Variants in LOXHD1 observed in about 807,000 individuals in gnomAD.
The protein encoded by LOXHD1 is lipoxygenase homology PLAT domains 1, also known as lipoxygenase homology domain-containing protein 1.
LOXHD1 carries 205 observed loss-of-function variants against 248.2 expected under a neutral mutation model. That is an observed-to-expected ratio of 0.83 (90% confidence interval 0.74 to 0.93). The LOEUF (loss-of-function observed/expected upper bound fraction) is 0.93, where lower values mean the gene tolerates loss of function less well. Among genes scored for constraint, LOXHD1 ranks in the 40% least tolerant of loss-of-function variants. The pLI is 0.00. For synonymous variants in LOXHD1, 1,113 were observed against 1,162.8 expected, an observed-to-expected ratio of 0.96 and a Z score of 0.87; for missense variants, 2,930 against 2,971.6, an observed-to-expected ratio of 0.99 and a Z score of 0.33.
rs181118962 is a variant in LOXHD1, at chr18:46,598,927, T to C, written c.1134+2290A>G. On this transcript the variant is annotated intron_variant, in intron 8 of 40. Transcript: ENST00000642948. The stretch of plus-strand genomic sequence containing the variant: ...GTTCAACACTGTTCTTCATGGGATT[T>C]GGCAAAATAAATAAATACAGATTTC... Among the ~76,000 whole-genome samples, 6 of 152,284 alleles carry C rather than the reference T, an allele frequency of 3.9e-5. No individual in the cohort carries two copies. In the East Asian group the frequency reaches 1.2e-3, roughly 29 times the overall value.
intron 37 of LOXHD1, among the ~76,000 whole-genome samples, chr18:46,503,896 G>C (rs1229890529): frequency 8.5e-5 from 13 of 152,086 alleles, no homozygotes; most frequent in Non-Finnish European, 2.9e-5. Flanking sequence ...AATGGTGGCT[G>C]GCAAGATGGG....
At chr18:46,561,040 C>T (rs544249190) in intron 18 of LOXHD1, among the ~76,000 whole-genome samples, 1 of 152,238 alleles carries the variant, frequency 6.6e-6, no homozygotes, top group Non-Finnish European at 1.5e-5. Flanking sequence ...TCAGTGTTAA[C>T]CGTATATAAC....
At chr18:46,608,532 A>G (rs2038456923) in intron 6 of LOXHD1, among the ~76,000 whole-genome samples, 1 of 152,222 alleles carries the variant, frequency 6.6e-6, no homozygotes, top group African/African-American at 2.4e-5. Context: ...GTGGACTTCA[A>G]GGTACCTGTT....
intron 7 of LOXHD1, among the ~76,000 whole-genome samples, chr18:46,603,175 A>C (rs1256506108): frequency 6.6e-6 from 1 of 152,116 alleles, no homozygotes; most frequent in East Asian, 1.9e-4. Context: ...GGCTCAGAGG[A>C]AGTGACTGGA....
chr18:46,565,568 C>A (rs2037623700), intron 17 of LOXHD1, among the ~76,000 whole-genome samples: 1 of 152,208 alleles, frequency 6.6e-6, no homozygotes, highest in Non-Finnish European at 1.5e-5. Context: ...TCCTCAGTAT[C>A]TGCAGGGACA....
At position 46,485,146 on chromosome 18, in the gene LOXHD1, C is replaced by T. The variant is rs373848470; in HGVS notation, c.6055G>A (p.Glu2019Lys). Reference sequence around the variant, plus strand: ...CCGTTGCCCGTTTCTATGACGATCTCGTAGGCTGTAATGGAGGAGGTGGGG... The same window carrying T: ...CCGTTGCCCGTTTCTATGACGATCTTGTAGGCTGTAATGGAGGAGGTGGGG... Reference protein sequence around the residue: ...ICDELEETTYEIVIETGNGGE... With the variant: ...ICDELEETTYKIVIETGNGGE... Residue 2019 changes from glutamate (E) to lysine (K), a missense_variant, in exon 39 of 41, where the codon GAG (glutamate) becomes AAG (lysine). By Grantham distance (56) the Glu-to-Lys change is moderately conservative (BLOSUM62 1). Transcript: ENST00000642948. 454 of 1,549,270 alleles carry T rather than the reference C, an allele frequency of 2.9e-4. No individual in the cohort carries two copies. Among genetic ancestry groups the T allele is most frequent in the Non-Finnish European group, 3.7e-4 (427 of 1,146,198 alleles).
rs184069592 is a variant in LOXHD1, at chr18:46,575,768, A to G, written c.1970+1939T>C. On this transcript the variant is annotated intron_variant, in intron 14 of 40. Coordinates refer to ENST00000642948, the MANE Select transcript of LOXHD1 (RefSeq NM_001384474.1). ...GTCATTTAAGCCACCCAGTCTGTGC[A>G]CTTTGTTACAGCCCTGGAACATGAA... 8.6e-3 allele frequency among the ~76,000 whole-genome samples: 1,303 copies of G among 152,214 alleles called. 25 individuals are homozygous for G. The highest frequency in any genetic ancestry group is 0.03 in the African/African-American group (1,254 of 41,520).
intron 38 of LOXHD1, among the ~76,000 whole-genome samples, chr18:46,486,794 T>C (rs981073115): frequency 6.6e-6 from 1 of 152,088 alleles, no homozygotes; most frequent in Admixed American, 6.5e-5. Flanking sequence ...TGGATTGAAA[T>C]GAATTCTTTC....
chr18:46,559,450 G>T lies in LOXHD1; in HGVS notation c.3214C>A (p.Gln1072Lys), dbSNP rs2037461794. The stretch of plus-strand genomic sequence containing the variant: ...GGGGCCAGAGACCCTCACCCTACCT[G>T]CCCCTGCTCAAATTTGTTGGACTTG... ...SDKSNKFEQGQTDTFTIYAID... is the reference protein window; with the variant it reads ...SDKSNKFEQGKTDTFTIYAID... The change falls in exon 20 of 41, where the codon CAG (glutamine) becomes AAG (lysine). Residue 1072 changes from glutamine to lysine, a missense_variant and splice_region_variant. By Grantham distance (53) the Gln-to-Lys change is moderately conservative. Coordinates refer to ENST00000642948, the MANE Select transcript of LOXHD1 (RefSeq NM_001384474.1). 1.9e-6 allele frequency: 3 copies of T among 1,551,918 alleles called. No homozygotes were observed. The highest frequency in any genetic ancestry group is 2.4e-5 in the East Asian group (1 of 40,932).
intron 8 of LOXHD1, among the ~76,000 whole-genome samples, chr18:46,600,334 C>G (rs1324677098): frequency 2.0e-5 from 3 of 152,196 alleles, no homozygotes; most frequent in African/African-American, 7.2e-5. Flanking sequence ...AGCGATGGCT[C>G]ACTCCTATAA....
intron 33 of LOXHD1, chr18:46,520,547 T>TA (rs1438785363): frequency 3.1e-6 from 1 of 324,526 alleles, no homozygotes; most frequent in African/African-American, 2.2e-5. Flanking sequence ...TTTGACCAGT[T>TA]AGAGATGGAG....
chr18:46,500,782 A>G (rs1191283732), intron 37 of LOXHD1, among the ~76,000 whole-genome samples: 1 of 152,040 alleles, frequency 6.6e-6, no homozygotes, highest in Admixed American at 6.6e-5. Context: ...ACATATCAAG[A>G]TTTTTTCCTG....
Position 46,639,806 on chromosome 18 carries a change from G to A in LOXHD1, c.327-6C>T. On this transcript the variant is annotated splice_polypyrimidine_tract_variant and splice_region_variant and intron_variant, in intron 3 of 40. Transcript: ENST00000642948. ...CCGTGTTGTCATGCTCAATCCTGAG[G>A]CAGAAGCCAAGGCCCACACCATCAC... 1.3e-6 allele frequency: 2 copies of A among 1,551,686 alleles called. No individual in the cohort carries two copies. The highest frequency in any genetic ancestry group is 1.7e-6 in the Non-Finnish European group (2 of 1,146,978).
rs1371145675 is a variant in LOXHD1, at chr18:46,560,249, T to C, written c.2895A>G (p.Ser965=). The C allele has an allele frequency of 1.9e-6, 3 of 1,551,184 alleles. No individual in the cohort carries two copies. Among genetic ancestry groups the C allele is most frequent in the East Asian group, 2.4e-5 (1 of 40,906 alleles). ...CCTCTTCTTCCATCTCCTCCTCCTC[T>C]GACGAGGACTCCTCTGATGAGGACG... ...EESSSSEESS[S]EEEEMEEEEE... Residue 965 remains serine, a synonymous_variant, in exon 19 of 41, where the codon TCA becomes TCG. Transcript: ENST00000642948.
chr18:46,493,314 C>A (rs1177833877), intron 37 of LOXHD1, among the ~76,000 whole-genome samples: 1 of 152,216 alleles, frequency 6.6e-6, no homozygotes, highest in African/African-American at 2.4e-5. Flanking sequence ...TTTGCAGAAG[C>A]TTCCTAATCC....
At chr18:46,649,102 T>TA (rs1294566615) in intron 2 of LOXHD1, 53 bp downstream of exon 2, 2 of 1,459,916 alleles carry the variant, frequency 1.4e-6, no homozygotes, top group African/African-American at 2.8e-5. Flanking sequence ...TCCCAGAACC[T>TA]AATCAACAGG....
At chr18:46,654,116 T>C (rs1244936585) in intron 1 of LOXHD1, among the ~76,000 whole-genome samples, 1 of 152,242 alleles carries the variant, frequency 6.6e-6, no homozygotes, top group Non-Finnish European at 1.5e-5. Flanking sequence ...TAAAGGGGCT[T>C]GTCCTTCTGC....
intron 13 of LOXHD1, 96 bp downstream of exon 13, chr18:46,579,534 A>G: frequency 6.7e-7 from 1 of 1,489,034 alleles, no homozygotes; most frequent in Admixed American, 2.0e-5. Context: ...CCCCAGGACC[A>G]GCATCAGCTC....
chr18:46,524,991 G>C, intron 29 of LOXHD1, 74 bp from the exon 30 acceptor site: 2 of 1,496,444 alleles, frequency 1.3e-6, no homozygotes, highest in Non-Finnish European at 1.8e-6. Flanking sequence ...CACCCTTCTG[G>C]GACCTTCCTT....
Sources: gnomAD v4.1 joint callset for allele counts (sites outside exome capture counted in the v4.1 genomes callset) on GRCh38, gnomAD v4.1.1 for gene constraint, MANE v1.5 for transcripts, NCBI Gene and HGNC (gene_info 2026-07-23, HGNC 2026-07-21) for gene names.